ERICH6B: variants seen among roughly 807,000 people sequenced by gnomAD.
The protein encoded by ERICH6B is glutamate rich 6B, also known as glutamate-rich protein 6B.
Under a neutral mutation model 80.0 loss-of-function variants are expected in ERICH6B, and 69 were observed. The ratio of observed to expected loss-of-function variants is 0.86; its 90% CI spans 0.71 to 1.05. The LOEUF is 1.05. Among genes scored for constraint, ERICH6B ranks in the 50% least tolerant of loss-of-function variants. ERICH6B has a pLI of 0.00. For missense variants in ERICH6B, 754 were observed against 796.1 expected (o/e 0.95, Z 0.64); for synonymous variants, 283 against 291.9 (o/e 0.97, Z 0.31).
rs572045519 is a variant in ERICH6B at position 45,590,946 on chromosome 13, A to G, written c.638-249T>C. Among the ~76,000 whole-genome samples, 3 of 152,342 alleles carry G rather than the reference A, an allele frequency of 2.0e-5. No homozygotes were observed. The South Asian group carries it at 6.2e-4, about 32-fold the overall frequency. On this transcript the variant is annotated intron_variant, in intron 3 of 14. Transcript: ENST00000298738. ...TTGGAAATTCGAGTTTGCTTTGCTT[A>G]TCTCTATGGTTATCCCAGAAGCCTA...
At chr13:45,602,637 G>T (rs566672166) in intron 2 of ERICH6B, among the ~76,000 whole-genome samples, 2 of 152,160 alleles carry the variant, frequency 1.3e-5, no homozygotes, top group Non-Finnish European at 2.9e-5. Flanking sequence ...TCTAACAGAC[G>T]TCTCAAACTC....
In ERICH6B at chr13:45,596,456, T is replaced by C; in HGVS notation, c.550A>G (p.Lys184Glu). 1 of 1,551,506 alleles carries C rather than the reference T, an allele frequency of 6.4e-7. No individual in the cohort carries two copies. Among genetic ancestry groups the C allele is most frequent in the South Asian group, 1.2e-5 (1 of 84,032 alleles). Residue 184 changes from lysine (K) to glutamate (E), a missense_variant, in exon 3 of 15, where the codon AAG (lysine) becomes GAG (glutamate). Transcript: ENST00000298738. ...SYLEEEKALEKEENLEEEEAL... is the reference protein window; with the variant it reads ...SYLEEEKALEEEENLEEEEAL... Reference sequence around the variant, plus strand: ...TCTTCCTCCTCCAGATTCTCTTCCTTCTCCAGAGCCTTTTCCTCTTCTAGA... The same window carrying C: ...TCTTCCTCCTCCAGATTCTCTTCCTCCTCCAGAGCCTTTTCCTCTTCTAGA...
At chr13:45,551,101 A>C (rs1874205484) in intron 11 of ERICH6B, among the ~76,000 whole-genome samples, 1 of 152,200 alleles carries the variant, frequency 6.6e-6, no homozygotes. Flanking sequence ...TATTGTCATA[A>C]AAATTTTAAG....
intron 2 of ERICH6B, among the ~76,000 whole-genome samples, chr13:45,599,852 A>G (rs572963340): frequency 7.0e-4 from 106 of 152,340 alleles, no homozygotes; most frequent in African/African-American, 2.5e-3. Flanking sequence ...ACTCTGGAGC[A>G]AGAGGATTCC....
intron 11 of ERICH6B, among the ~76,000 whole-genome samples, chr13:45,560,052 G>A (rs947073030): frequency 4.6e-5 from 7 of 152,064 alleles, no homozygotes; most frequent in African/African-American, 1.7e-4. Flanking sequence ...AAATTTGGGA[G>A]CTCCAATGTT....
At chr13:45,610,590 C>T (rs561601709) in intron 1 of ERICH6B, among the ~76,000 whole-genome samples, 9 of 152,274 alleles carry the variant, frequency 5.9e-5, no homozygotes, top group East Asian at 5.8e-4. Flanking sequence ...AACATCACAG[C>T]GTGTGCTCAC....
intron 11 of ERICH6B, among the ~76,000 whole-genome samples, chr13:45,558,818 A>C (rs1350824427): frequency 6.6e-6 from 1 of 151,980 alleles, no homozygotes; most frequent in Non-Finnish European, 1.5e-5. Flanking sequence ...TTGATATGTT[A>C]TTGGATTCGG....
intron 5 of ERICH6B, among the ~76,000 whole-genome samples, 164 bp from the exon 6 acceptor site, chr13:45,580,829 C>A (rs1875626485): frequency 1.3e-5 from 2 of 152,086 alleles, no homozygotes; most frequent in South Asian, 4.2e-4. Context: ...TATAGATGCC[C>A]CACTGCACCC....
intron 12 of ERICH6B, 87 bp from the exon 13 acceptor site, chr13:45,550,132 A>T: frequency 6.5e-7 from 1 of 1,534,968 alleles, no homozygotes; most frequent in East Asian, 2.5e-5. Context: ...CCTCAGTCAA[A>T]CCCCACACCT....
intron 8 of ERICH6B, among the ~76,000 whole-genome samples, chr13:45,568,899 C>A (rs1219364889): frequency 6.6e-6 from 1 of 151,980 alleles, no homozygotes; most frequent in Non-Finnish European, 1.5e-5. Context: ...GGAGAACATA[C>A]AATTATCTTC....
At chr13:45,542,177 C>G (rs956405469) in intron 14 of ERICH6B, among the ~76,000 whole-genome samples, 1 of 152,180 alleles carries the variant, frequency 6.6e-6, no homozygotes, top group Non-Finnish European at 1.5e-5. Context: ...GGGTCTGCAG[C>G]CTGCAGAAGA....
At position 45,581,668 on chromosome 13, in the gene ERICH6B, C is replaced by T. The variant is rs564697291; in HGVS notation, c.857-1003G>A. The stretch of plus-strand genomic sequence containing the variant: ...CTGGGATTACAGGCATGAGCCACTG[C>T]GCCTGGCCCATTCCATTCTTAATAG... On this transcript the variant is annotated intron_variant, in intron 5 of 14. Transcript: ENST00000298738. Among the ~76,000 whole-genome samples the T allele has an allele frequency of 4.6e-5, 7 of 152,322 alleles. No homozygotes were observed. The South Asian group carries it at 6.2e-4, about 14-fold the overall frequency.
intron 3 of ERICH6B, among the ~76,000 whole-genome samples, chr13:45,594,592 C>T (rs1301184109): frequency 2.6e-5 from 4 of 152,174 alleles, no homozygotes; most frequent in African/African-American, 9.7e-5. Flanking sequence ...AGTGGAATTA[C>T]CTCTCCAATG....
At chr13:45,583,869 C>T (rs1384861225) in intron 5 of ERICH6B, among the ~76,000 whole-genome samples, 1 of 152,172 alleles carries the variant, frequency 6.6e-6, no homozygotes, top group Non-Finnish European at 1.5e-5. Flanking sequence ...ATTACCCAGT[C>T]TCAGGTATGT....
intron 8 of ERICH6B, 74 bp downstream of exon 8, chr13:45,574,768 G>C: frequency 8.5e-7 from 1 of 1,173,308 alleles, no homozygotes; most frequent in Non-Finnish European, 1.2e-6. Context: ...CAGCCAGCTT[G>C]CCTGGGCTAG....
intron 14 of ERICH6B, 88 bp downstream of exon 14, chr13:45,544,672 C>T (rs1197955059): frequency 1.8e-5 from 21 of 1,154,252 alleles, no homozygotes; most frequent in Admixed American, 2.2e-5. Flanking sequence ...GCCTGGAGGC[C>T]TGTGGCATGG....
chr13:45,554,731 A>G (rs1874366875), intron 11 of ERICH6B, among the ~76,000 whole-genome samples: 3 of 152,222 alleles, frequency 2.0e-5, no homozygotes. Context: ...TAAAGTGCAG[A>G]GTAAAGAGAC....
At chr13:45,594,881 G>A (rs1332694715) in intron 3 of ERICH6B, among the ~76,000 whole-genome samples, 1 of 152,228 alleles carries the variant, frequency 6.6e-6, no homozygotes, top group Non-Finnish European at 1.5e-5. Context: ...TCTGTACCTA[G>A]TTGAATATGG....
At chr13:45,543,891 G>T (rs1057402197) in intron 14 of ERICH6B, among the ~76,000 whole-genome samples, 5 of 152,090 alleles carry the variant, frequency 3.3e-5, no homozygotes, top group Admixed American at 2.0e-4. Context: ...ACTCCCCCTT[G>T]TTTCTGGCCC....
Sources: gnomAD v4.1 joint callset for allele counts (sites outside exome capture counted in the v4.1 genomes callset) on GRCh38, gnomAD v4.1.1 for gene constraint, MANE v1.5 for transcripts, NCBI Gene and HGNC (gene_info 2026-07-23, HGNC 2026-07-21) for gene names.